ESR1: variants seen among roughly 807,000 people sequenced by gnomAD.
ESR1 encodes the protein estrogen receptor.
In ESR1, 12 loss-of-function variants were observed where a neutral mutation model predicts 52.7. The ratio of observed to expected loss-of-function variants is 0.23; its 90% CI spans 0.15 to 0.37. The LOEUF (loss-of-function observed/expected upper bound fraction) is 0.37, where lower values mean the gene tolerates loss of function less well. ESR1 is among the 10% of genes least tolerant of loss of function. The pLI is 1.00. For synonymous variants in ESR1, 305 were observed against 316.8 expected, an observed-to-expected ratio of 0.96 and a Z score of 0.39; for missense variants, 584 against 779.7, an observed-to-expected ratio of 0.75 and a Z score of 2.99.
At chr6:151,670,585 TA>T (rs35284610) in intron 1 of ESR1, among the ~76,000 whole-genome samples, 71,030 of 151,444 alleles carry the variant, frequency 0.47, 16,965 homozygotes, top group East Asian at 0.79. Flanking sequence ...AGAAGGCACT[TA>T]AAAAAAAATT....
At chr6:151,854,389 G>T (rs914962171) in intron 2 of ESR1, among the ~76,000 whole-genome samples, 1 of 151,914 alleles carries the variant, frequency 6.6e-6, no homozygotes, top group African/African-American at 2.4e-5. Context: ...AACATAGTGG[G>T]GAAAGCACTC....
At chr6:151,729,652 C>G (rs1782096021) in intron 2 of ESR1, among the ~76,000 whole-genome samples, 1 of 152,176 alleles carries the variant, frequency 6.6e-6, no homozygotes, top group African/African-American at 2.4e-5. Context: ...ATTTGAACCT[C>G]ATGGCAAGCC....
intron 5 of ESR1, among the ~76,000 whole-genome samples, chr6:152,054,394 G>A (rs1414812562): frequency 6.6e-6 from 1 of 151,990 alleles, no homozygotes; most frequent in Non-Finnish European, 1.5e-5. Context: ...TTTTCCCTCA[G>A]ATCAACAAAG....
chr6:151,666,453 G>A (rs1432529890), intron 1 of ESR1, among the ~76,000 whole-genome samples: 4 of 152,228 alleles, frequency 2.6e-5, no homozygotes, highest in African/African-American at 9.6e-5. Context: ...TTCCTGGTGA[G>A]TAAGAATGAC....
intron 6 of ESR1, among the ~76,000 whole-genome samples, chr6:152,116,227 T>C (rs2051209379): frequency 6.6e-6 from 1 of 152,172 alleles, no homozygotes; most frequent in Non-Finnish European, 1.5e-5. Context: ...CTTTGAACAA[T>C]ACATCTTGGA....
At chr6:151,848,503 A>T (rs1318494711) in intron 2 of ESR1, among the ~76,000 whole-genome samples, 22 of 151,442 alleles carry the variant, frequency 1.5e-4, no homozygotes, top group Admixed American at 1.4e-3. Context: ...TAAAAAAAAA[A>T]AGAGATCTTA....
chr6:152,112,246 A>G (rs2051154650), intron 6 of ESR1, among the ~76,000 whole-genome samples: 1 of 152,256 alleles, frequency 6.6e-6, no homozygotes, highest in African/African-American at 2.4e-5. Context: ...AGGTTTAAAA[A>G]ACAATGGAAA....
At chr6:152,051,102 A>G (rs1012121079) in intron 5 of ESR1, among the ~76,000 whole-genome samples, 1 of 151,810 alleles carries the variant, frequency 6.6e-6, no homozygotes, top group Non-Finnish European at 1.5e-5. Flanking sequence ...CACTTCTCCC[A>G]CCCCTTATTT....
At chr6:151,847,384 C>A (rs1785321709) in intron 2 of ESR1, among the ~76,000 whole-genome samples, 2 of 152,088 alleles carry the variant, frequency 1.3e-5, no homozygotes, top group African/African-American at 2.4e-5. Flanking sequence ...TATTTCTCCA[C>A]ATCCTCTCCA....
chr6:151,942,360 G>A (rs1052382572), intron 3 of ESR1, among the ~76,000 whole-genome samples: 3 of 152,114 alleles, frequency 2.0e-5, no homozygotes, highest in South Asian at 2.1e-4. Flanking sequence ...GGAATCATAC[G>A]TAACAGAGAA....
rs373814977 is a variant in ESR1 at position 152,061,971 on chromosome 6, C to T, written c.1369+847C>T. 1.5e-4 allele frequency among the ~76,000 whole-genome samples: 23 copies of T among 152,244 alleles called. No individual in the cohort carries two copies. Among genetic ancestry groups the T allele is most frequent in the African/African-American group, 5.3e-4 (22 of 41,552 alleles). On this transcript the variant is annotated intron_variant, in intron 6 of 7. Coordinates refer to ENST00000206249, the MANE Select transcript of ESR1 (RefSeq NM_000125.4). The surrounding 1 kb of genome is among the most constrained non-coding windows in gnomAD (Gnocchi z 4.3). The stretch of plus-strand genomic sequence containing the variant: ...GCAGCTCCCCTTAAGCTCCACCTTT[C>T]CCCCTGGCTCTAACCCCACTTTGTG...
At chr6:151,855,479 T>G (rs1047783816) in intron 2 of ESR1, among the ~76,000 whole-genome samples, 1 of 152,204 alleles carries the variant, frequency 6.6e-6, no homozygotes, top group African/African-American at 2.4e-5. Context: ...ACCTCCCTGT[T>G]GAAGTTCTTC....
chr6:151,997,436 G>A (rs971202081), intron 4 of ESR1, among the ~76,000 whole-genome samples: 6 of 152,152 alleles, frequency 3.9e-5, no homozygotes, highest in Admixed American at 2.0e-4. Context: ...CTCTGATAAA[G>A]GTTTAATTGT....
chr6:152,053,535 TTCCTCTCTCTCTTA>T lies in ESR1; in HGVS notation c.1236-7447_1236-7434del, dbSNP rs1183621759. On this transcript the variant is annotated intron_variant, in intron 5 of 7. Coordinates refer to ENST00000206249, the MANE Select transcript of ESR1 (RefSeq NM_000125.4). The surrounding 1 kb of genome is among the most constrained non-coding windows in gnomAD (Gnocchi z 4.1). ...CTTTCTCTTTCTCTCAATCTCTCTC[TTCCTCTCTCTCTTA>T]TCCTCTCTTTCTCTCAATCCCTCTC... Among the ~76,000 whole-genome samples the T allele has an allele frequency of 6.6e-6, 1 of 151,894 alleles. No homozygotes were observed. The highest frequency in any genetic ancestry group is 1.5e-5 in the Non-Finnish European group (1 of 67,936).
At chr6:151,964,860 T>A (rs1025374821) in intron 4 of ESR1, among the ~76,000 whole-genome samples, 1 of 152,142 alleles carries the variant, frequency 6.6e-6, no homozygotes, top group Non-Finnish European at 1.5e-5. Context: ...GCCAGGATGG[T>A]CTCGATCTCC....
chr6:151,943,411 A>G (rs2035337685), intron 3 of ESR1, among the ~76,000 whole-genome samples: 1 of 124,558 alleles, frequency 8.0e-6, no homozygotes. Context: ...AAAAACAAAA[A>G]AAAAACCACC....
chr6:151,681,040 C>T (rs1778440132), intron 1 of ESR1, among the ~76,000 whole-genome samples: 1 of 152,126 alleles, frequency 6.6e-6, no homozygotes, highest in African/African-American at 2.4e-5. Context: ...CACTCAGAGC[C>T]CTGCCAGCTG....
intron 2 of ESR1, among the ~76,000 whole-genome samples, chr6:151,858,581 GTTTTT>G (rs11354030): frequency 7.5e-6 from 1 of 134,052 alleles, no homozygotes; most frequent in Non-Finnish European, 1.6e-5. Flanking sequence ...ATCCGTTCCT[GTTTTT>G]TTTTTTTTTT....
rs11285435 is a variant in ESR1 at position 152,101,034 on chromosome 6, G to GTTT, written c.*2083_*2085dup. Reference sequence around the variant, plus strand: ...TGCAAAAACCAAGGAAAAATATTTAGTTTTTTTTTTTTTTTTTGTATACTT... The same window carrying GTTT: ...TGCAAAAACCAAGGAAAAATATTTAGTTTTTTTTTTTTTTTTTTTTGTATACTT... On this transcript the variant is annotated 3_prime_UTR_variant, in exon 8 of 8. Transcript: ENST00000206249. The GTTT allele has an allele frequency of 8.3e-4, 162 of 194,308 alleles. No homozygotes were observed. Among genetic ancestry groups the GTTT allele is most frequent in the East Asian group, 1.4e-3 (19 of 13,446 alleles). 12.0% of individuals were successfully genotyped at this position (194,308 alleles called of 1,614,324 possible). A position where few individuals can be genotyped will look rare whatever the true frequency, so the allele number is the denominator to read the frequency against.
Sources: gnomAD v4.1 joint callset for allele counts (sites outside exome capture counted in the v4.1 genomes callset) on GRCh38, gnomAD v4.1.1 for gene constraint, Gnocchi (gnomAD v3.1) non-coding constraint, MANE v1.5 for transcripts, NCBI Gene and HGNC (gene_info 2026-07-23, HGNC 2026-07-21) for gene names.